ZNF718: variants seen among roughly 807,000 people sequenced by gnomAD.
ZNF718 encodes zinc finger protein 718.
A neutral mutation model predicts 2.6 loss-of-function variants in ZNF718; 3 were observed. The observed-to-expected ratio is 1.16, with a 90% CI of 0.53 to 3.01. ZNF718 has a LOEUF of 3.01. ZNF718 is among the 30% of genes most tolerant of loss of function. The probability of loss-of-function intolerance (pLI) is 0.03; values close to 1 mark genes in which losing one functional copy is unlikely to be tolerated. For missense variants in ZNF718, 468 were observed against 230.0 expected (o/e 2.03, Z -6.69); for synonymous variants, 135 against 77.9 (o/e 1.73, Z -3.86).
At chr4:191,307 C>T (rs1717690096) in intron 3 of ZNF718, among the ~76,000 whole-genome samples, 1 of 151,736 alleles carries the variant, frequency 6.6e-6, no homozygotes, top group East Asian at 2.0e-4. Context: ...CACCACGACA[C>T]CTGGCTAATT....
At chr4:201,253 G>A (rs1304808012) in intron 4 of ZNF718, 1 of 152,330 alleles carries the variant, frequency 6.6e-6, no homozygotes, top group Non-Finnish European at 1.5e-5. Context: ...TCAAAATACA[G>A]CTTTCAATTG....
intron 3 of ZNF718, among the ~76,000 whole-genome samples, chr4:180,045 T>A (rs2108812984): frequency 6.6e-6 from 1 of 151,732 alleles, no homozygotes; most frequent in South Asian, 2.1e-4. Flanking sequence ...GAGAAAAAAA[T>A]AAAATTTTAA....
intron 3 of ZNF718, among the ~76,000 whole-genome samples, chr4:197,829 C>G (rs1185583463): frequency 6.6e-6 from 1 of 152,120 alleles, no homozygotes; most frequent in Non-Finnish European, 1.5e-5. Context: ...ATTCATGGCT[C>G]CAGATCCTGG....
intron 3 of ZNF718, among the ~76,000 whole-genome samples, chr4:175,437 G>A (rs1432723092): frequency 6.6e-6 from 1 of 152,158 alleles, no homozygotes; most frequent in Non-Finnish European, 1.5e-5. Context: ...TGAGCCACTG[G>A]AGGACTTAAA....
intron 1 of ZNF718, 102 bp downstream of exon 1, chr4:124,775 GCCCTCTGTCCTCAGT>G: frequency 6.6e-7 from 1 of 1,515,256 alleles, no homozygotes; most frequent in Non-Finnish European, 8.9e-7. Context: ...TTCCCGCTCA[GCCCTCTGTCCTCAGT>G]CCCCTCCGGT....
chr4:185,057 T>C (rs2108814440), intron 3 of ZNF718, among the ~76,000 whole-genome samples: 1 of 152,304 alleles, frequency 6.6e-6, no homozygotes, highest in East Asian at 1.9e-4. Context: ...GGGGTTTGTT[T>C]GCTCTTGGTT....
At chr4:124,942 G>A (rs782724897) in intron 1 of ZNF718, 9 of 406,920 alleles carry the variant, frequency 2.2e-5, no homozygotes, top group Non-Finnish European at 4.1e-5. Context: ...CACCGCGGCG[G>A]CCTGCGCGGT....
chr4:147,941 C>G (rs967188748), intron 3 of ZNF718, among the ~76,000 whole-genome samples: 1 of 152,116 alleles, frequency 6.6e-6, no homozygotes, highest in Non-Finnish European at 1.5e-5. Context: ...TCCTGTGAGG[C>G]TTTTGCTGGT....
At chr4:130,184 G>C (rs1715315971) in intron 1 of ZNF718, among the ~76,000 whole-genome samples, 1 of 103,792 alleles carries the variant, frequency 9.6e-6, no homozygotes, top group Non-Finnish European at 2.1e-5. Context: ...ATGGGTCTAG[G>C]GGGAGGAGTG....
intron 3 of ZNF718, among the ~76,000 whole-genome samples, chr4:153,508 A>G (rs1716428705): frequency 6.6e-6 from 1 of 152,184 alleles, no homozygotes; most frequent in African/African-American, 2.4e-5. Context: ...CTTGGGTAGT[A>G]TAGCAACTTT....
chr4:153,849 T>A (rs1553813106), intron 3 of ZNF718, among the ~76,000 whole-genome samples: 1 of 151,966 alleles, frequency 6.6e-6, no homozygotes, highest in Non-Finnish European at 1.5e-5. Flanking sequence ...AAGCAGAAAA[T>A]GTTTTATTTG....
At chr4:141,955 C>T in intron 3 of ZNF718, 1 of 506,308 alleles carries the variant, frequency 2.0e-6, no homozygotes, top group Admixed American at 2.0e-5. Flanking sequence ...TGCAAGGAGG[C>T]TGAGATTATT....
intron 3 of ZNF718, among the ~76,000 whole-genome samples, chr4:133,587 AAATT>A (rs1323361126): frequency 6.6e-6 from 1 of 152,234 alleles, no homozygotes; most frequent in Admixed American, 6.5e-5. Context: ...TGTGTATAAT[AAATT>A]CTTACTTAAC....
rs1717009424 is a variant in ZNF718, at chr4:163,723, TA to T, written c.*1602del. 2.0e-5 allele frequency: 3 copies of T among 152,166 alleles called. No individual in the cohort carries two copies. Among genetic ancestry groups the T allele is most frequent in the Non-Finnish European group, 4.4e-5 (3 of 68,022 alleles). The allele number at this position is 152,166 out of a possible 1,614,324, so 9.4% of individuals were successfully genotyped here. ...TGTGTGTGAACCTTACTCAAGGGTG[TA>T]GGTAAAAAATGGTAACAGTATACTT... On this transcript the variant is annotated 3_prime_UTR_variant, in exon 4 of 4. Coordinates refer to ENST00000510175, the MANE Select transcript of ZNF718 (RefSeq NM_001039127.6).
In ZNF718 at chr4:161,543, A is replaced by C. The variant is rs1716853959; in HGVS notation, c.858A>C (p.Glu286Asp). Residue 286 changes from glutamate (E) to aspartate (D), a missense_variant, in exon 4 of 4, where the codon GAA becomes GAC. By Grantham distance (45) the Glu-to-Asp change is conservative. Transcript: ENST00000510175. ...IHSAQKYYKC[E>D]ECGKAFKWSS... ...CTGCACAAAAATACTACAAATGTGA[A>C]GAATGTGGTAAAGCCTTTAAGTGGT... is the stretch of plus-strand genomic sequence containing the variant. The C allele has an allele frequency of 1.3e-6, 1 of 780,786 alleles. No individual in the cohort carries two copies. The highest frequency in any genetic ancestry group is 1.7e-5 in the Admixed American group (1 of 59,004). 48.4% of individuals were successfully genotyped at this position (780,786 alleles called of 1,614,324 possible).
At chr4:187,999 T>C (rs1307232349) in intron 3 of ZNF718, among the ~76,000 whole-genome samples, 1 of 152,032 alleles carries the variant, frequency 6.6e-6, no homozygotes, top group Non-Finnish European at 1.5e-5. Flanking sequence ...TGGATTGGGG[T>C]CCCATTTAAA....
At position 162,797 on chromosome 4, in the gene ZNF718, A is replaced by G. The variant is rs1553815913; in HGVS notation, c.*675A>G. 6.6e-6 allele frequency: 1 copy of G among 152,220 alleles called. No individual in the cohort carries two copies. The highest frequency in any genetic ancestry group is 1.5e-5 in the Non-Finnish European group (1 of 68,030). 9.4% of individuals were successfully genotyped at this position (152,220 alleles called of 1,614,324 possible). On this transcript the variant is annotated 3_prime_UTR_variant, in exon 4 of 4. Coordinates refer to ENST00000510175, the MANE Select transcript of ZNF718 (RefSeq NM_001039127.6). ...GTTCAAAAACTATAGCTTAAAAAAAACCAGTTTATACTAGAAGATATTTTG... is the reference window on the plus strand; with the variant it reads ...GTTCAAAAACTATAGCTTAAAAAAAGCCAGTTTATACTAGAAGATATTTTG...
intron 3 of ZNF718, among the ~76,000 whole-genome samples, chr4:174,650 T>C (rs1257174058): frequency 6.6e-6 from 1 of 152,214 alleles, no homozygotes; most frequent in African/African-American, 2.4e-5. Context: ...TTCACTTAAT[T>C]GTCAGCCTGT....
chr4:180,624 G>A (rs1553819709), intron 3 of ZNF718, among the ~76,000 whole-genome samples: 1 of 152,184 alleles, frequency 6.6e-6, no homozygotes, highest in Non-Finnish European at 1.5e-5. Context: ...AAAGTGATGT[G>A]CATCACACTG....
Sources: gnomAD v4.1 joint callset for allele counts (sites outside exome capture counted in the v4.1 genomes callset) on GRCh38, gnomAD v4.1.1 for gene constraint, MANE v1.5 for transcripts, NCBI Gene and HGNC (gene_info 2026-07-23, HGNC 2026-07-21) for gene names.